BIRC6: variants seen among roughly 807,000 people sequenced by gnomAD.
BIRC6 encodes the protein dual E2 ubiquitin-conjugating enzyme/E3 ubiquitin-protein ligase BIRC6.
BIRC6 carries 98 observed loss-of-function variants against 503.3 expected under a neutral mutation model. The observed-to-expected ratio is 0.19, with a 90% CI of 0.17 to 0.23. The LOEUF is 0.23. Among genes scored for constraint, BIRC6 ranks in the 10% least tolerant of loss-of-function variants. BIRC6 has a pLI of 1.00. For synonymous variants in BIRC6, 2,240 were observed against 2,078.7 expected, an observed-to-expected ratio of 1.08 and a Z score of -2.11; for missense variants, 5,360 against 5,806.0, an observed-to-expected ratio of 0.92 and a Z score of 2.50.
At chr2:32,409,872 G>A (rs1041626060) in intron 9 of BIRC6, among the ~76,000 whole-genome samples, 1 of 152,194 alleles carries the variant, frequency 6.6e-6, no homozygotes, top group African/African-American at 2.4e-5. Flanking sequence ...AGGTAGAGTT[G>A]ACAAGTTCTG....
At chr2:32,436,901 T>C (rs2044779811) in intron 15 of BIRC6, among the ~76,000 whole-genome samples, 1 of 148,306 alleles carries the variant, frequency 6.7e-6, no homozygotes. Context: ...TTTTTTTTTT[T>C]TTTTTGAGAC....
chr2:32,501,421 C>T (rs1384967699), intron 46 of BIRC6, among the ~76,000 whole-genome samples: 1 of 152,196 alleles, frequency 6.6e-6, no homozygotes, highest in East Asian at 1.9e-4. Context: ...AAACCGTGCT[C>T]TACTGAATAT....
At position 32,529,841 on chromosome 2, in the gene BIRC6, A is replaced by C. The variant is rs545117640; in HGVS notation, c.12094+17A>C. 1 of 1,495,632 alleles carries C rather than the reference A, an allele frequency of 6.7e-7. No homozygotes were observed. Among genetic ancestry groups the C allele is most frequent in the East Asian group, 2.4e-5 (1 of 40,956 alleles). 92.6% of individuals were successfully genotyped at this position (1,495,632 alleles called of 1,614,324 possible). ...CTGAAAAAGGTATGTGCATAATACTACTTTAAAAATTACAGACTGTCATAC... is the reference window on the plus strand; with the variant it reads ...CTGAAAAAGGTATGTGCATAATACTCCTTTAAAAATTACAGACTGTCATAC... On this transcript the variant is annotated intron_variant, in intron 60 of 73. Transcript: ENST00000421745.
At chr2:32,469,872 A>T (rs1018395248) in intron 30 of BIRC6, among the ~76,000 whole-genome samples, 1 of 152,168 alleles carries the variant, frequency 6.6e-6, no homozygotes, top group African/African-American at 2.4e-5. Context: ...TTTCTATTAG[A>T]TTATGTTGCT....
At chr2:32,479,313 C>T (rs1473718616) in intron 36 of BIRC6, 149 bp from the exon 37 acceptor site, 6 of 687,210 alleles carry the variant, frequency 8.7e-6, no homozygotes, top group African/African-American at 3.6e-5. Flanking sequence ...GCATTCCTTA[C>T]GGGGGTGGGA....
At chr2:32,507,931 A>G (rs1371763145) in intron 50 of BIRC6, 49 bp from the exon 51 acceptor site, 4 of 1,551,954 alleles carry the variant, frequency 2.6e-6, no homozygotes, top group Admixed American at 1.9e-5. Context: ...AAACTGTTCA[A>G]TCTAGTATAC....
chr2:32,443,899 A>T (rs572605015), intron 20 of BIRC6, among the ~76,000 whole-genome samples: 2 of 152,386 alleles, frequency 1.3e-5, no homozygotes, highest in South Asian at 4.1e-4. Flanking sequence ...AGATGCCAGA[A>T]ACCAGAATTC....
Position 32,433,755 on chromosome 2 carries a change from A to C in BIRC6, c.3360A>C (p.Ile1120=). 1 of 1,596,232 alleles carries C rather than the reference A, an allele frequency of 6.3e-7. No homozygotes were observed. Among genetic ancestry groups the C allele is most frequent in the Non-Finnish European group, 8.6e-7 (1 of 1,167,234 alleles). ...LNSNITNIPQ[I]QVTLLKNKAP... ...CAAACATCACCAATATTCCACAGAT[A>C]CAAGTGACACTGCTGAAAAATAAAG... The change falls in exon 13 of 74, where the codon ATA becomes ATC. Residue 1120 remains isoleucine (I), a synonymous_variant. Coordinates refer to ENST00000421745, the MANE Select transcript of BIRC6 (RefSeq NM_016252.4).
Position 32,463,277 on chromosome 2 carries a change from G to A in BIRC6, c.4837G>A (p.Ala1613Thr), listed in dbSNP as rs764653530. The change falls in exon 24 of 74, where the codon GCC becomes ACC. Residue 1613 changes from alanine (A) to threonine (T), a missense_variant. Physicochemically the swap from Ala to Thr is moderately conservative, Grantham distance 58. Transcript: ENST00000421745. The stretch of plus-strand genomic sequence containing the variant: ...AGCCTCGACAGCCCTGAGTTCAGCA[G>A]CCCAGGTAGCTTTGCAGTCTCTCTC... ...GEASTALSSAAQVALQSLSHA... is the reference protein window; with the variant it reads ...GEASTALSSATQVALQSLSHA... 3.7e-6 allele frequency: 6 copies of A among 1,613,638 alleles called. No homozygotes were observed.
At position 32,390,161 on chromosome 2, in the gene BIRC6, A is replaced by C. The variant is rs527450756; in HGVS notation, c.839+1218A>C. On this transcript the variant is annotated intron_variant, in intron 4 of 73. Transcript: ENST00000421745. ...AGGCATGAGCCATGGCACCCAGCCA[A>C]ATTTTCTTTTTTTTATATTTTTGTT... Among the ~76,000 whole-genome samples the C allele has an allele frequency of 5.0e-5, 7 of 139,188 alleles. No homozygotes were observed. The Admixed American group carries it at 5.1e-4, about 10-fold the overall frequency. 91.3% of individuals were successfully genotyped at this position (139,188 alleles called of 152,430 possible).
At chr2:32,479,130 T>A (rs966353732) in intron 36 of BIRC6, among the ~76,000 whole-genome samples, 1 of 152,228 alleles carries the variant, frequency 6.6e-6, no homozygotes, top group African/African-American at 2.4e-5. Context: ...GAAATCACTT[T>A]GCCTCATTTT....
chr2:32,362,469 C>A (rs563914610), intron 1 of BIRC6, among the ~76,000 whole-genome samples: 3 of 151,926 alleles, frequency 2.0e-5, no homozygotes, highest in African/African-American at 7.3e-5. Context: ...GTGCCCCCCA[C>A]CAGACCCGGC....
intron 66 of BIRC6, among the ~76,000 whole-genome samples, chr2:32,586,001 G>T (rs934840164): frequency 8.5e-5 from 13 of 152,148 alleles, no homozygotes; most frequent in African/African-American, 2.9e-4. Context: ...ATAAAGCTGA[G>T]ATTTAGCTTC....
At chr2:32,427,322 G>A (rs1176567181) in intron 10 of BIRC6, among the ~76,000 whole-genome samples, 5 of 150,662 alleles carry the variant, frequency 3.3e-5, no homozygotes, top group South Asian at 4.2e-4. Flanking sequence ...TGCTCTTGTC[G>A]CCCAGGCTGG....
chr2:32,370,036 GTATGTATATA>G (rs1223943753), intron 1 of BIRC6, among the ~76,000 whole-genome samples: 1 of 127,034 alleles, frequency 7.9e-6, no homozygotes, highest in African/African-American at 3.0e-5. Flanking sequence ...GTATATATAT[GTATGTATATA>G]TATGTGTGTA....
intron 23 of BIRC6, among the ~76,000 whole-genome samples, chr2:32,461,677 T>C (rs2048010766): frequency 6.6e-6 from 1 of 152,144 alleles, no homozygotes. Flanking sequence ...TAGCTTATTT[T>C]TTAATTTTAT....
chr2:32,413,176 ATTTTTT>A (rs766213127), intron 9 of BIRC6, among the ~76,000 whole-genome samples: 1 of 122,072 alleles, frequency 8.2e-6, no homozygotes, highest in Non-Finnish European at 1.7e-5. Flanking sequence ...TGCCCGGCTA[ATTTTTT>A]TTTTTTTTTT....
At chr2:32,412,543 A>G (rs980724431) in intron 9 of BIRC6, among the ~76,000 whole-genome samples, 3 of 151,996 alleles carry the variant, frequency 2.0e-5, no homozygotes, top group Non-Finnish European at 2.9e-5. Flanking sequence ...ATAAGATGAT[A>G]TAATGTAATG....
intron 2 of BIRC6, among the ~76,000 whole-genome samples, chr2:32,378,013 C>G (rs376651526): frequency 3.3e-5 from 5 of 151,962 alleles, no homozygotes; most frequent in African/African-American, 1.2e-4. Flanking sequence ...CAGCTGTAAC[C>G]GAGACCCAAA....
Sources: gnomAD v4.1 joint callset for allele counts (sites outside exome capture counted in the v4.1 genomes callset) on GRCh38, gnomAD v4.1.1 for gene constraint, MANE v1.5 for transcripts, NCBI Gene and HGNC (gene_info 2026-07-23, HGNC 2026-07-21) for gene names.